Variants in DNAI2 observed in about 807,000 individuals in gnomAD.
The protein encoded by DNAI2 is dynein axonemal intermediate chain 2.
Under a neutral mutation model 74.7 loss-of-function variants are expected in DNAI2, and 63 were observed. The ratio of observed to expected loss-of-function variants is 0.84; its 90% CI spans 0.69 to 1.04. The LOEUF is 1.04. DNAI2 is among the 50% of genes least tolerant of loss of function. The pLI is 0.00. For missense variants in DNAI2, 688 were observed against 803.2 expected (o/e 0.86, Z 1.73); for synonymous variants, 289 against 314.9 (o/e 0.92, Z 0.87).
intron 11 of DNAI2, 51 bp downstream of exon 11, chr17:74,310,214 C>A: frequency 6.3e-7 from 1 of 1,597,848 alleles, no homozygotes. Context: ...CCGACCTGGC[C>A]CCACAGCAGA....
chr17:74,310,097 C>T lies in DNAI2; in HGVS notation c.1428C>T (p.Thr476=), dbSNP rs758354268. The change falls in exon 11 of 14, where the codon ACC becomes ACT. Residue 476 remains threonine (T), a synonymous_variant. Transcript: ENST00000311014. Reference sequence around the variant, plus strand: ...CCTGCGGCTCCCAGCTGGGGACAACCACCCTGCTGGAGGTCTCGCCTGGGC... The same window carrying T: ...CCTGCGGCTCCCAGCTGGGGACAACTACCCTGCTGGAGGTCTCGCCTGGGC... The part of the protein sequence containing the change: ...LIACGSQLGT[T]TLLEVSPGLS... The T allele has an allele frequency of 1.2e-6, 2 of 1,613,900 alleles. No homozygotes were observed. Among genetic ancestry groups the T allele is most frequent in the South Asian group, 1.1e-5 (1 of 91,092 alleles).
intron 1 of DNAI2, among the ~76,000 whole-genome samples, chr17:74,280,250 G>A (rs765512257): frequency 2.0e-5 from 3 of 152,136 alleles, no homozygotes; most frequent in Admixed American, 6.5e-5. Flanking sequence ...CCTTCCTTGC[G>A]TGGCCTGTGA....
chr17:74,312,480 C>T (rs2053591463), intron 12 of DNAI2, among the ~76,000 whole-genome samples: 1 of 152,156 alleles, frequency 6.6e-6, no homozygotes, highest in Non-Finnish European at 1.5e-5. Flanking sequence ...CCTCCCCTCC[C>T]CCCAGAGAGG....
chr17:74,309,005 G>A (rs191051962), intron 9 of DNAI2, among the ~76,000 whole-genome samples: 1 of 150,280 alleles, frequency 6.7e-6, no homozygotes, highest in African/African-American at 2.4e-5. Flanking sequence ...AGAGATTGCA[G>A]TGAGCCGACA....
At chr17:74,308,818 GCC>G (rs1440358084) in intron 9 of DNAI2, among the ~76,000 whole-genome samples, 1 of 152,058 alleles carries the variant, frequency 6.6e-6, no homozygotes, top group Admixed American at 6.6e-5. Flanking sequence ...CCAGCCCAGA[GCC>G]CTTTAAAGAA....
At position 74,292,683 on chromosome 17, in the gene DNAI2, A is replaced by G. The variant is rs1451995714; in HGVS notation, c.724+1550A>G. Among the ~76,000 whole-genome samples, 5 of 152,212 alleles carry G rather than the reference A, an allele frequency of 3.3e-5. No homozygotes were observed. The South Asian group carries it at 1.0e-3, about 32-fold the overall frequency. On this transcript the variant is annotated intron_variant, in intron 6 of 13. Transcript: ENST00000311014. ...CCGCCTGCCTTGGCTGGCCTCCCAA[A>G]GTGCTGGGATGAACCACCACACCTG...
At chr17:74,304,438 G>A (rs936983411) in intron 8 of DNAI2, among the ~76,000 whole-genome samples, 2 of 151,968 alleles carry the variant, frequency 1.3e-5, no homozygotes, top group Non-Finnish European at 1.5e-5. Flanking sequence ...TGTAGGCTCA[G>A]GCCCTGCTGG....
At chr17:74,275,811 A>C (rs565230804) in intron 1 of DNAI2, among the ~76,000 whole-genome samples, 2 of 152,218 alleles carry the variant, frequency 1.3e-5, no homozygotes, top group African/African-American at 4.8e-5. Flanking sequence ...AATCGCTTGA[A>C]CTTGGGAGGC....
At chr17:74,293,124 C>T (rs9908915) in intron 6 of DNAI2, among the ~76,000 whole-genome samples, 80,199 of 152,048 alleles carry the variant, frequency 0.53, 22,786 homozygotes, top group Non-Finnish European at 0.66. Flanking sequence ...TGAGCCACCG[C>T]ACCTGGCCTG....
At chr17:74,305,128 C>A in intron 8 of DNAI2, 91 bp from the exon 9 acceptor site, 1 of 1,369,508 alleles carries the variant, frequency 7.3e-7, no homozygotes, top group Non-Finnish European at 1.0e-6. Flanking sequence ...CTAGCGCCTG[C>A]AGACCCCCCA....
intron 4 of DNAI2, among the ~76,000 whole-genome samples, 175 bp downstream of exon 4, chr17:74,287,273 G>A (rs1243895190): frequency 6.6e-6 from 1 of 152,216 alleles, no homozygotes; most frequent in Non-Finnish European, 1.5e-5. Context: ...CCTGCTCTGG[G>A]GGCGGGTCTG....
intron 6 of DNAI2, 95 bp downstream of exon 6, chr17:74,291,228 T>G: frequency 9.6e-7 from 1 of 1,038,900 alleles, no homozygotes; most frequent in Non-Finnish European, 1.4e-6. Flanking sequence ...TGGTGCAATT[T>G]TGGCTCACTG....
In DNAI2 at chr17:74,314,165, G is replaced by A; in HGVS notation, c.1767G>A (p.Glu589=). The A allele has an allele frequency of 6.2e-7, 1 of 1,614,192 alleles. No individual in the cohort carries two copies. The highest frequency in any genetic ancestry group is 8.5e-7 in the Non-Finnish European group (1 of 1,180,006). ...AAGACCAGGTGGTGGAGGAGGGAGA[G>A]GAAGCAGCGGGGGAAGAAGGGGATG... The part of the protein sequence containing the change: ...PEEDQVVEEG[E]EAAGEEGDEE... The change falls in exon 13 of 14, where the codon GAG becomes GAA. Residue 589 remains glutamate (E), a synonymous_variant. Transcript: ENST00000311014.
rs189082910 is a variant in DNAI2 at position 74,303,817 on chromosome 17, A to T, written c.988-1402A>T. On this transcript the variant is annotated intron_variant, in intron 8 of 13. Transcript: ENST00000311014. ...TGCATAATAAAACAATATGTTTTTT[A>T]AAAAAATAAAAATAAAAAAGCTGGG... Among the ~76,000 whole-genome samples the T allele has an allele frequency of 9.1e-4, 138 of 152,128 alleles. 1 individual carries two copies. The East Asian group carries it at 0.019, about 21-fold the overall frequency.
Position 74,305,299 on chromosome 17 carries a change from T to C in DNAI2, c.1068T>C (p.Ile356=), listed in dbSNP as rs2053119166. 6.2e-7 allele frequency: 1 copy of C among 1,614,058 alleles called. No homozygotes were observed. The highest frequency in any genetic ancestry group is 8.5e-7 in the Non-Finnish European group (1 of 1,180,028). The stretch of plus-strand genomic sequence containing the variant: ...AGGCCAAGACGTCAGCTGAAAAGAT[T>C]GTGTGCACCTTCCCGGGCCATCATG... The part of the protein sequence containing the change: ...NRKAKTSAEK[I]VCTFPGHHGP... The change falls in exon 9 of 14, where the codon ATT becomes ATC. Residue 356 remains isoleucine, a synonymous_variant. Transcript: ENST00000311014.
At chr17:74,294,815 A>G (rs553905028) in intron 6 of DNAI2, among the ~76,000 whole-genome samples, 1 of 152,192 alleles carries the variant, frequency 6.6e-6, no homozygotes, top group Non-Finnish European at 1.5e-5. Flanking sequence ...ATTTACAACC[A>G]TTATTTATTC....
rs371039062 is a variant in DNAI2, at chr17:74,296,346, G to GAGAGA, written c.725-3372_725-3371insAGAGA. Among the ~76,000 whole-genome samples, 23 of 83,328 alleles carry GAGAGA rather than the reference G, an allele frequency of 2.8e-4. 1 individual carries two copies. The highest frequency in any genetic ancestry group is 4.4e-4 in the South Asian group (1 of 2,280). The allele number at this position is 83,328 out of a possible 152,430, so 54.7% of individuals were successfully genotyped here. A position where few individuals can be genotyped will look rare whatever the true frequency, so the allele number is the denominator to read the frequency against. On this transcript the variant is annotated intron_variant, in intron 6 of 13. Transcript: ENST00000311014. ...GAGAGAGAGAGAGGAGAGAGAGAGA[G>GAGAGA]GAGAGAGAGAGGAAGGGGGAAGGAG...
Position 74,284,669 on chromosome 17 carries a change from C to A in DNAI2, c.184-371C>A, listed in dbSNP as rs532235064. On this transcript the variant is annotated intron_variant, in intron 2 of 13. Transcript: ENST00000311014. ...CCTCGTGATCTGCTCGCCTCGGCCTCCCAAAGTGCTGGGATTACAGGTGTG... is the reference window on the plus strand; with the variant it reads ...CCTCGTGATCTGCTCGCCTCGGCCTACCAAAGTGCTGGGATTACAGGTGTG... 5.3e-5 allele frequency among the ~76,000 whole-genome samples: 8 copies of A among 152,294 alleles called. No individual in the cohort carries two copies. The East Asian group carries it at 7.7e-4, about 15-fold the overall frequency.
intron 8 of DNAI2, among the ~76,000 whole-genome samples, chr17:74,302,396 C>T (rs1161181097): frequency 1.3e-5 from 2 of 152,226 alleles, no homozygotes; most frequent in East Asian, 3.9e-4. Flanking sequence ...GGAGAAACCC[C>T]ATCTCTACTA....
Sources: gnomAD v4.1 joint callset for allele counts (sites outside exome capture counted in the v4.1 genomes callset) on GRCh38, gnomAD v4.1.1 for gene constraint, MANE v1.5 for transcripts, NCBI Gene and HGNC (gene_info 2026-07-23, HGNC 2026-07-21) for gene names.